ESR1: variants seen among roughly 807,000 people sequenced by gnomAD.
The protein encoded by ESR1 is estrogen receptor.
Under a neutral mutation model 52.7 loss-of-function variants are expected in ESR1, and 12 were observed. The observed-to-expected ratio is 0.23, with a 90% CI of 0.15 to 0.37. The LOEUF (loss-of-function observed/expected upper bound fraction) is 0.37. Ranked by LOEUF, ESR1 falls within the 10% of genes least tolerant of loss-of-function variation. The pLI, the probability that ESR1 is intolerant of heterozygous loss-of-function variation, is 1.00. For missense variants in ESR1, 584 were observed against 779.7 expected, an observed-to-expected ratio of 0.75 and a Z score of 2.99; for synonymous variants, 305 against 316.8, an observed-to-expected ratio of 0.96 and a Z score of 0.39.
At chr6:151,887,865 T>C (rs115875371) in intron 3 of ESR1, among the ~76,000 whole-genome samples, 3 of 152,180 alleles carry the variant, frequency 2.0e-5, no homozygotes, top group African/African-American at 7.2e-5. Flanking sequence ...GATTTTTGTA[T>C]ACGGCATGAG....
chr6:151,969,237 T>C (rs578215017), intron 4 of ESR1, among the ~76,000 whole-genome samples: 1 of 152,318 alleles, frequency 6.6e-6, no homozygotes, highest in Non-Finnish European at 1.5e-5. Flanking sequence ...TTTCCTACCA[T>C]TGGTTTATTT....
chr6:151,672,827 A>ATT (rs11365774), intron 1 of ESR1, among the ~76,000 whole-genome samples: 19 of 121,146 alleles, frequency 1.6e-4, no homozygotes, highest in East Asian at 4.4e-4. Context: ...TTCATGATCA[A>ATT]TTTTTTTTTT....
Position 151,791,840 on chromosome 6 carries a change from C to CA in ESR1, c.-70-15995dup, listed in dbSNP as rs541529567. Among the ~76,000 whole-genome samples, 151 of 150,754 alleles carry CA rather than the reference C, an allele frequency of 1.0e-3. 1 individual carries two copies. Among genetic ancestry groups the CA allele is most frequent in the Admixed American group, 2.8e-3 (43 of 15,148 alleles). On this transcript the variant is annotated intron_variant, in intron 2 of 2. Coordinates refer to the ESR1 transcript ENST00000404742. ...TGACCCCAAACAACAGGTAAAATGT[C>CA]AAAAAAAACCTTTTATCTACACAAA...
Position 151,829,333 on chromosome 6 carries a change from G to A in ESR1, c.453-13264G>A, listed in dbSNP as rs958353491. 5.3e-5 allele frequency among the ~76,000 whole-genome samples: 8 copies of A among 152,320 alleles called. 1 individual carries two copies. The highest frequency in any genetic ancestry group is 3.9e-4 in the East Asian group (2 of 5,188). On this transcript the variant is annotated intron_variant, in intron 1 of 7. Transcript: ENST00000206249. ...CAAAGAATATGTCAGATATACAGAA[G>A]TGTTTCTCCCCTTTTCTCTGTCTCT...
At chr6:151,894,942 TG>T (rs1197867110) in intron 3 of ESR1, among the ~76,000 whole-genome samples, 1 of 152,178 alleles carries the variant, frequency 6.6e-6, no homozygotes, top group African/African-American at 2.4e-5. Context: ...GGTATTTTGA[TG>T]GGAATTGCAT....
intron 4 of ESR1, among the ~76,000 whole-genome samples, chr6:151,969,443 A>G (rs2038666405): frequency 6.6e-6 from 1 of 152,162 alleles, no homozygotes; most frequent in African/African-American, 2.4e-5. Flanking sequence ...TAGAGCAAGC[A>G]AGTGCCCTTT....
rs542535270 is a variant in ESR1, at chr6:152,100,984, T to G, written c.*2018T>G. 8.4e-4 allele frequency: 195 copies of G among 230,896 alleles called. No homozygotes were observed. The highest frequency in any genetic ancestry group is 4.1e-3 in the African/African-American group (186 of 45,258). The allele number at this position is 230,896 out of a possible 1,614,324, so 14.3% of individuals were successfully genotyped here. A position where few individuals can be genotyped will look rare whatever the true frequency, so the allele number is the denominator to read the frequency against. ...ACAATTGAATGTAGTAATTCTGTTC[T>G]GGATTTAATTTGACTGGGTTAACAT... On this transcript the variant is annotated 3_prime_UTR_variant, in exon 8 of 8. Coordinates refer to ENST00000206249, the MANE Select transcript of ESR1 (RefSeq NM_000125.4).
At chr6:151,799,687 A>T (rs1777041374), upstream of ESR1, among the ~76,000 whole-genome samples, 1 of 152,206 alleles carries the variant, frequency 6.6e-6, no homozygotes, top group South Asian at 2.1e-4. Flanking sequence ...AAGTAGTATA[A>T]TGAGAATGTT....
intron 2 of ESR1, among the ~76,000 whole-genome samples, chr6:151,746,703 G>A (rs1024878633): frequency 3.3e-5 from 5 of 152,178 alleles, no homozygotes; most frequent in African/African-American, 1.2e-4. Flanking sequence ...AAAGTATTAT[G>A]AGAGAAAACA....
intron 2 of ESR1, among the ~76,000 whole-genome samples, chr6:151,734,845 C>T (rs1352099427): frequency 1.3e-5 from 2 of 151,980 alleles, no homozygotes; most frequent in Non-Finnish European, 2.9e-5. Flanking sequence ...TAGTCTGGAA[C>T]TCCTGACCTC....
intron 4 of ESR1, among the ~76,000 whole-genome samples, chr6:151,953,645 C>T (rs1207225722): frequency 1.3e-5 from 2 of 151,770 alleles, no homozygotes; most frequent in South Asian, 2.1e-4. Flanking sequence ...CGCTTGAACC[C>T]GGGAGGCAGA....
chr6:151,761,313 G>C (rs1276836631), intron 2 of ESR1, among the ~76,000 whole-genome samples: 3 of 151,740 alleles, frequency 2.0e-5, no homozygotes, highest in African/African-American at 7.3e-5. Context: ...CATTCTCATG[G>C]AATACTTTAA....
intron 2 of ESR1, among the ~76,000 whole-genome samples, chr6:151,860,080 C>A (rs1434285734): frequency 6.6e-6 from 1 of 152,122 alleles, no homozygotes; most frequent in Non-Finnish European, 1.5e-5. Context: ...AATTATTGTG[C>A]TTCTAAATCC....
intron 4 of ESR1, among the ~76,000 whole-genome samples, chr6:151,955,168 G>GTCAATTTACCC (rs1228820047): frequency 7.9e-4 from 120 of 152,286 alleles, no homozygotes; most frequent in African/African-American, 2.8e-3. Flanking sequence ...GCATGACAGT[G>GTCAATTTACCC]ATTGTCAAAA....
At position 151,702,773 on chromosome 6, in the gene ESR1, T is replaced by C. The variant is rs140045714; in HGVS notation, c.-71+768T>C. The stretch of plus-strand genomic sequence containing the variant: ...TCAAGTCCATTTCTCATTTCCTCCA[T>C]AGAACATTTTAAAACTAGTTCACAA... On this transcript the variant is annotated intron_variant, in intron 2 of 2. Transcript: ENST00000404742. Among the ~76,000 whole-genome samples, 6 of 152,340 alleles carry C rather than the reference T, an allele frequency of 3.9e-5. No individual in the cohort carries two copies. The East Asian group carries it at 1.2e-3, about 29-fold the overall frequency.
chr6:151,778,267 G>A (rs949333093), intron 2 of ESR1, among the ~76,000 whole-genome samples: 1 of 151,506 alleles, frequency 6.6e-6, no homozygotes, highest in African/African-American at 2.4e-5. Context: ...TTGTTCAATG[G>A]GTACAACATT....
intron 1 of ESR1, among the ~76,000 whole-genome samples, chr6:151,672,603 C>T (rs1360970557): frequency 1.3e-5 from 2 of 152,082 alleles, no homozygotes; most frequent in African/African-American, 2.4e-5. Context: ...TCCCAAAGTG[C>T]TGGGATAACA....
chr6:151,705,648 C>T (rs550044295), intron 2 of ESR1, among the ~76,000 whole-genome samples: 11 of 152,300 alleles, frequency 7.2e-5, no homozygotes, highest in African/African-American at 2.4e-4. Context: ...TGCTGTATTT[C>T]CATTCTTACA....
intron 2 of ESR1, among the ~76,000 whole-genome samples, chr6:151,724,886 T>C (rs1168456648): frequency 6.6e-6 from 1 of 152,226 alleles, no homozygotes; most frequent in Non-Finnish European, 1.5e-5. Context: ...ATCTTTTTCA[T>C]AATTCACCTG....
Sources: allele counts gnomAD v4.1 joint callset (sites outside exome capture counted in the v4.1 genomes callset), GRCh38; gene constraint gnomAD v4.1.1; transcripts MANE v1.5; gene names NCBI Gene and HGNC (gene_info 2026-07-23, HGNC 2026-07-21).